The following CCSER1 variants were observed in gnomAD, a reference collection of about 807,000 sequenced individuals.
The protein encoded by CCSER1 is serine-rich coiled-coil domain-containing protein 1.
A neutral mutation model predicts 82.0 loss-of-function variants in CCSER1; 41 were observed. That is an observed-to-expected ratio of 0.50 (90% CI 0.39 to 0.65). The LOEUF is 0.65. Among genes scored for constraint, CCSER1 ranks in the 30% least tolerant of loss-of-function variants. CCSER1 has a pLI of 0.00. For synonymous variants in CCSER1, 414 were observed against 383.9 expected (o/e 1.08, Z -0.92); for missense variants, 1,119 against 1,064.2 (o/e 1.05, Z -0.72).
intron 3 of CCSER1, among the ~76,000 whole-genome samples, chr4:90,397,819 C>T (rs916593238): frequency 6.6e-6 from 1 of 152,088 alleles, no homozygotes; most frequent in Non-Finnish European, 1.5e-5. Flanking sequence ...CTGTGAAAAT[C>T]TTTTTCTAGA....
chr4:90,611,508 T>C (rs1579463507), intron 5 of CCSER1, among the ~76,000 whole-genome samples: 1 of 151,960 alleles, frequency 6.6e-6, no homozygotes, highest in East Asian at 1.9e-4. Context: ...GTAGAAGATA[T>C]CCATTTGCTA....
chr4:91,019,045 T>C (rs941305279), intron 9 of CCSER1, among the ~76,000 whole-genome samples: 1 of 152,082 alleles, frequency 6.6e-6, no homozygotes. Context: ...TGACAATGTC[T>C]CTCAATAAGT....
At chr4:91,036,398 T>G (rs985920715) in intron 9 of CCSER1, among the ~76,000 whole-genome samples, 7 of 152,306 alleles carry the variant, frequency 4.6e-5, no homozygotes, top group Non-Finnish European at 7.4e-5. Context: ...TTTTTGATAT[T>G]CTGCTCAATA....
intron 5 of CCSER1, among the ~76,000 whole-genome samples, chr4:90,555,456 G>C (rs1253119357): frequency 6.6e-6 from 1 of 152,064 alleles, no homozygotes; most frequent in South Asian, 2.1e-4. Flanking sequence ...AAATGAGAAT[G>C]TAAAGTTCAT....
At chr4:91,172,009 AT>A (rs1259479502) in intron 10 of CCSER1, among the ~76,000 whole-genome samples, 1 of 152,080 alleles carries the variant, frequency 6.6e-6, no homozygotes, top group African/African-American at 2.4e-5. Flanking sequence ...AATAAAAAAA[AT>A]CCTATTATTC....
intron 10 of CCSER1, among the ~76,000 whole-genome samples, chr4:91,151,932 G>T (rs1730252285): frequency 6.6e-6 from 1 of 152,218 alleles, no homozygotes; most frequent in Non-Finnish European, 1.5e-5. Context: ...ATGTGGTGCT[G>T]AGAAGAATGT....
chr4:90,606,426 A>G lies in CCSER1; in HGVS notation c.1725-21599A>G, dbSNP rs187835127. 5.2e-3 allele frequency among the ~76,000 whole-genome samples: 787 copies of G among 152,312 alleles called. 5 individuals are homozygous for G. The highest frequency in any genetic ancestry group is 0.01 in the Middle Eastern group (3 of 294). On this transcript the variant is annotated intron_variant, in intron 5 of 10. Coordinates refer to ENST00000509176, the MANE Select transcript of CCSER1 (RefSeq NM_001145065.2). ...AAAAGATAATGCATTGTGCCAAGAC[A>G]TTAATGTTAGCTATGACATCACGAG...
intron 10 of CCSER1, among the ~76,000 whole-genome samples, chr4:91,403,588 A>G (rs984393672): frequency 6.6e-6 from 1 of 152,162 alleles, no homozygotes; most frequent in African/African-American, 2.4e-5. Context: ...TAATTTATTG[A>G]GAATTTTTAG....
chr4:91,181,058 C>T (rs1244842945), intron 10 of CCSER1, among the ~76,000 whole-genome samples: 1 of 152,214 alleles, frequency 6.6e-6, no homozygotes, highest in Admixed American at 6.5e-5. Context: ...GTTCATTGCC[C>T]TCATTCCCAT....
At chr4:90,453,845 T>C (rs1761818643) in intron 4 of CCSER1, among the ~76,000 whole-genome samples, 1 of 152,152 alleles carries the variant, frequency 6.6e-6, no homozygotes, top group Non-Finnish European at 1.5e-5. Context: ...AGTGGAGAAC[T>C]TAAAGGACTA....
chr4:91,212,422 T>A (rs1736893964), intron 10 of CCSER1, among the ~76,000 whole-genome samples: 1 of 152,042 alleles, frequency 6.6e-6, no homozygotes, highest in African/African-American at 2.4e-5. Context: ...CCTCAGTGTT[T>A]CAGCTGCTAA....
chr4:91,406,648 C>A (rs971217368), intron 10 of CCSER1, among the ~76,000 whole-genome samples: 1 of 152,154 alleles, frequency 6.6e-6, no homozygotes, highest in African/African-American at 2.4e-5. Context: ...ATATAGCTGA[C>A]AATGTATTCA....
At chr4:90,506,492 GTGGC>G (rs1770701349) in intron 5 of CCSER1, among the ~76,000 whole-genome samples, 1 of 152,108 alleles carries the variant, frequency 6.6e-6, no homozygotes, top group South Asian at 2.1e-4. Context: ...GCCGGGCATG[GTGGC>G]TCACGCCTGT....
intron 8 of CCSER1, among the ~76,000 whole-genome samples, chr4:90,848,534 G>T (rs1468545816): frequency 6.6e-6 from 1 of 152,030 alleles, no homozygotes; most frequent in African/African-American, 2.4e-5. Context: ...TCCCCTATTA[G>T]TCATCACTTA....
intron 6 of CCSER1, among the ~76,000 whole-genome samples, chr4:90,665,877 C>T (rs928379120): frequency 6.6e-6 from 1 of 152,062 alleles, no homozygotes; most frequent in Non-Finnish European, 1.5e-5. Context: ...GCAGTTTGGG[C>T]TCTTATGTGG....
chr4:91,232,216 T>G (rs896908274), intron 10 of CCSER1, among the ~76,000 whole-genome samples: 2 of 151,846 alleles, frequency 1.3e-5, no homozygotes, highest in Non-Finnish European at 3.0e-5. Context: ...GCAATTACAT[T>G]TCTAGGACTT....
intron 8 of CCSER1, among the ~76,000 whole-genome samples, chr4:90,902,175 T>C (rs1426068269): frequency 6.6e-6 from 1 of 151,970 alleles, no homozygotes; most frequent in African/African-American, 2.4e-5. Flanking sequence ...AGTATAGTTA[T>C]GTCATGTTTT....
chr4:91,514,927 T>C (rs927096455), intron 10 of CCSER1, among the ~76,000 whole-genome samples: 5 of 152,162 alleles, frequency 3.3e-5, no homozygotes, highest in Non-Finnish European at 7.3e-5. Flanking sequence ...ACTTAATAGT[T>C]GGATGATGCC....
At chr4:90,776,289 T>G (rs1752880850) in intron 7 of CCSER1, among the ~76,000 whole-genome samples, 1 of 152,186 alleles carries the variant, frequency 6.6e-6, no homozygotes, top group Admixed American at 6.5e-5. Context: ...CACCTCATAG[T>G]TACTAAAAGA....
Sources: gnomAD v4.1 joint callset for allele counts (sites outside exome capture counted in the v4.1 genomes callset) on GRCh38, gnomAD v4.1.1 for gene constraint, MANE v1.5 for transcripts, NCBI Gene and HGNC (gene_info 2026-07-23, HGNC 2026-07-21) for gene names.